The following GSN variants were observed in gnomAD, a reference collection of about 807,000 sequenced individuals.
GSN encodes gelsolin, also known as actin-depolymerizing factor.
GSN carries 56 observed loss-of-function variants against 85.7 expected under a neutral mutation model. The observed-to-expected ratio is 0.65, with a 90% CI of 0.53 to 0.82. The LOEUF (loss-of-function observed/expected upper bound fraction) is 0.82, where lower values mean the gene tolerates loss of function less well. GSN is among the 40% of genes least tolerant of loss of function. The pLI is 0.00. For missense variants in GSN, 857 were observed against 979.8 expected (o/e 0.87, Z 1.67); for synonymous variants, 373 against 399.1 (o/e 0.93, Z 0.78).
At chr9:121,303,089 G>A (rs2060060989) in intron 4 of GSN, 24 bp downstream of exon 4, 1 of 1,610,432 alleles carries the variant, frequency 6.2e-7, no homozygotes, top group Non-Finnish European at 8.5e-7. Context: ...CACCTTGCTT[G>A]AGCGGTAGGG....
intron 5 of GSN, among the ~76,000 whole-genome samples, chr9:121,243,640 C>T (rs1301469093): frequency 4.6e-5 from 7 of 152,158 alleles, no homozygotes; most frequent in East Asian, 3.8e-4. Context: ...TGCAATGGCA[C>T]GATCTTGGCT....
Position 121,329,459 on chromosome 9 carries a change from C to T in GSN, c.1965+144C>T, listed in dbSNP as rs116485921. ...AAGTCTCTAAGGGTACTGGAAGTCA[C>T]TTCTTCTTTCTGAGCTTCCATTTCC... On this transcript the variant is annotated intron_variant, in intron 16 of 17. Transcript: ENST00000432226. The surrounding 1 kb of genome is among the most constrained non-coding windows in gnomAD (Gnocchi z 4.6). The T allele has an allele frequency of 1.8e-3, 1,253 of 690,560 alleles. 9 individuals carry two copies. In the African/African-American group the frequency reaches 0.02, roughly 11 times the overall value. 42.8% of individuals were successfully genotyped at this position (690,560 alleles called of 1,614,324 possible).
At chr9:121,225,537 T>G (rs2054256978) in intron 4 of GSN, among the ~76,000 whole-genome samples, 1 of 152,220 alleles carries the variant, frequency 6.6e-6, no homozygotes, top group Non-Finnish European at 1.5e-5. Context: ...GGAAAAAGCA[T>G]CGGACATGGA....
chr9:121,244,778 G>A (rs753980905), intron 5 of GSN, among the ~76,000 whole-genome samples: 14 of 152,282 alleles, frequency 9.2e-5, no homozygotes, highest in Non-Finnish European at 2.1e-4. Flanking sequence ...CCACTACTAT[G>A]TGTGATCTCC....
In GSN at chr9:121,332,160, A is replaced by C. The variant is rs2063992633; in HGVS notation, c.2027-274A>C. Among the ~76,000 whole-genome samples the C allele has an allele frequency of 6.6e-6, 1 of 152,164 alleles. No individual in the cohort carries two copies. The highest frequency in any genetic ancestry group is 6.5e-5 in the Admixed American group (1 of 15,286). On this transcript the variant is annotated intron_variant, in intron 17 of 17. Transcript: ENST00000432226. This position sits in a 1 kb window ranked among gnomAD's most constrained non-coding sequence, Gnocchi z 4.8. ...CCAAAAGTTGGTTCCCATATCTTCC[A>C]GTAGGGGACTGCAAGGGAAAGTAAT...
rs766916675 is a variant in GSN, at chr9:121,302,033, G to A, written c.62G>A (p.Arg21His). 1.5e-5 allele frequency: 25 copies of A among 1,614,142 alleles called. No individual in the cohort carries two copies. Among genetic ancestry groups the A allele is most frequent in the Admixed American group, 8.3e-5 (5 of 60,010 alleles). Residue 21 changes from arginine to histidine, a missense_variant, in exon 3 of 18, where the codon CGT (arginine) becomes CAT (histidine). Coordinates refer to ENST00000432226, the MANE Select transcript of GSN (RefSeq NM_198252.3). ...AGKEPGLQIW[R>H]VEKFDLVPVP... ...AAGGAGCCTGGCCTGCAGATCTGGCGTGTGGAGAAGTTCGATCTGGTGCCC... is the reference window on the plus strand; with the variant it reads ...AAGGAGCCTGGCCTGCAGATCTGGCATGTGGAGAAGTTCGATCTGGTGCCC...
intron 4 of GSN, among the ~76,000 whole-genome samples, chr9:121,224,094 T>G (rs979640592): frequency 6.6e-6 from 1 of 151,894 alleles, no homozygotes; most frequent in Non-Finnish European, 1.5e-5. Context: ...AATATACATT[T>G]ATTTATTTAT....
intron 10 of GSN, among the ~76,000 whole-genome samples, chr9:121,321,040 G>T (rs746398183): frequency 2.0e-4 from 30 of 152,210 alleles, no homozygotes; most frequent in Non-Finnish European, 2.8e-4. Context: ...ACGGGCTGGG[G>T]CAGGGCATGG....
At chr9:121,202,381 G>A in the GSN span, among the ~76,000 whole-genome samples, 806 of 152,286 alleles carry the variant, frequency 5.3e-3, 10 homozygotes, top group African/African-American at 0.019. Context: ...AACGTCGGAG[G>A]CACGCATCCC....
Position 121,251,280 on chromosome 9 carries a change from C to G in GSN, c.-341+2957C>G, listed in dbSNP as rs542736276. Reference sequence around the variant, plus strand: ...CACTGCAACCTCCGTCTCCCGGGTTCAAGTGGTTCTCCTGCCTCAGCCTCC... The same window carrying G: ...CACTGCAACCTCCGTCTCCCGGGTTGAAGTGGTTCTCCTGCCTCAGCCTCC... On this transcript the variant is annotated intron_variant, in intron 6 of 24. Coordinates refer to the GSN transcript ENST00000373823. Among the ~76,000 whole-genome samples the G allele has an allele frequency of 1.6e-3, 228 of 146,746 alleles. 1 individual carries two copies. Among genetic ancestry groups the G allele is most frequent in the African/African-American group, 5.2e-3 (208 of 40,244 alleles).
chr9:121,229,296 C>A (rs1457819964), intron 4 of GSN, among the ~76,000 whole-genome samples: 3 of 152,222 alleles, frequency 2.0e-5, no homozygotes, highest in Non-Finnish European at 2.9e-5. Context: ...TCTCAGCTCA[C>A]TGCAACCTCC....
rs117208260 is a variant in GSN at position 121,305,053 on chromosome 9, A to G, written c.351+1988A>G. 7.6e-3 allele frequency among the ~76,000 whole-genome samples: 1,161 copies of G among 152,340 alleles called. 10 individuals carry two copies. The highest frequency in any genetic ancestry group is 0.035 in the South Asian group (167 of 4,826). On this transcript the variant is annotated intron_variant, in intron 4 of 17. Transcript: ENST00000432226. ...TCCTAGTCACTGTTTCTTAGGGCAT[A>G]ACCTGACAGTCTAACATGGTTACAA...
chr9:121,207,082 C>T (rs972078595), upstream of GSN, among the ~76,000 whole-genome samples: 3 of 152,156 alleles, frequency 2.0e-5, no homozygotes, highest in African/African-American at 7.2e-5. Flanking sequence ...TTCTTTATTG[C>T]TTTTTCTGAC....
intron 2 of GSN, among the ~76,000 whole-genome samples, chr9:121,289,238 G>T (rs980946316): frequency 5.9e-5 from 9 of 151,854 alleles, no homozygotes; most frequent in African/African-American, 2.2e-4. Context: ...GAGGGGCCCA[G>T]CGGAGTGGTG....
intron 5 of GSN, among the ~76,000 whole-genome samples, chr9:121,231,740 A>G (rs996858148): frequency 6.6e-6 from 1 of 152,086 alleles, no homozygotes. Context: ...GGAATCATGA[A>G]AAAGAGAGAG....
chr9:121,218,120 G>C (rs777172306), intron 4 of GSN, among the ~76,000 whole-genome samples: 1 of 152,178 alleles, frequency 6.6e-6, no homozygotes, highest in Non-Finnish European at 1.5e-5. Flanking sequence ...GAGCTCTTAA[G>C]AAGGGTGGTC....
chr9:121,309,679 G>A (rs2060847601), intron 4 of GSN: 2 of 152,172 alleles, frequency 1.3e-5, no homozygotes, highest in South Asian at 4.1e-4. Flanking sequence ...GTGAAGAAAA[G>A]TGGTTCTTGG....
chr9:121,302,314 G>T (rs2059968757), intron 3 of GSN, 147 bp downstream of exon 3: 4 of 933,970 alleles, frequency 4.3e-6, no homozygotes, highest in Non-Finnish European at 6.7e-6. Flanking sequence ...TGAGACGCTA[G>T]AGCCAGCCTG....
rs2059635206 is a variant in GSN, at chr9:121,299,971, C to CG, written c.-9-1987dup. The CG allele has an allele frequency of 7.5e-7, 1 of 1,325,096 alleles. No individual in the cohort carries two copies. The highest frequency in any genetic ancestry group is 9.7e-7 in the Non-Finnish European group (1 of 1,034,856). 82.1% of individuals were successfully genotyped at this position (1,325,096 alleles called of 1,614,324 possible). On this transcript the variant is annotated intron_variant, in intron 2 of 17. Transcript: ENST00000432226. This position sits in a 1 kb window ranked among gnomAD's most constrained non-coding sequence, Gnocchi z 4.2. The stretch of plus-strand genomic sequence containing the variant: ...ACTGCGTCGCGGGGGGCGTCCCAGG[C>CG]GGGGGCGCCCCAGGGGCGGGTGCCC...
Sources: gnomAD v4.1 joint callset for allele counts (sites outside exome capture counted in the v4.1 genomes callset) on GRCh38, gnomAD v4.1.1 for gene constraint, Gnocchi (gnomAD v3.1) non-coding constraint, MANE v1.5 for transcripts, NCBI Gene and HGNC (gene_info 2026-07-23, HGNC 2026-07-21) for gene names.